OXNAD1: variants seen among roughly 807,000 people sequenced by gnomAD.
OXNAD1 encodes oxidoreductase NAD-binding domain-containing protein 1.
OXNAD1 carries 34 observed loss-of-function variants against 32.9 expected under a neutral mutation model. The ratio of observed to expected loss-of-function variants is 1.03; its 90% CI spans 0.79 to 1.38. OXNAD1 has a LOEUF of 1.38. Among genes scored for constraint, OXNAD1 ranks in the 40% most tolerant of loss-of-function variants. The pLI is 0.00. For missense variants in OXNAD1, 407 were observed against 379.4 expected (o/e 1.07, Z -0.60); for synonymous variants, 134 against 135.2 (o/e 0.99, Z 0.06).
Position 16,320,092 on chromosome 3 carries a change from T to G in OXNAD1, c.*30+16500T>G, listed in dbSNP as rs570342256. 6.6e-6 allele frequency among the ~76,000 whole-genome samples: 1 copy of G among 152,376 alleles called. No individual in the cohort carries two copies. Among genetic ancestry groups the G allele is most frequent in the East Asian group, 1.9e-4 (1 of 5,190 alleles). On this transcript the variant is annotated intron_variant, in intron 9 of 9. Transcript: ENST00000435829. This position sits in a 1 kb window ranked among gnomAD's most constrained non-coding sequence, Gnocchi z 4.5. The stretch of plus-strand genomic sequence containing the variant: ...AAATCCTTCACTTTACAGCAGTGTG[T>G]GTCCAGAGTTCCATGTCAGCAGGAG...
At chr3:16,341,754 G>A (rs1230651866), downstream of OXNAD1, among the ~76,000 whole-genome samples, 1 of 152,150 alleles carries the variant, frequency 6.6e-6, no homozygotes, top group Non-Finnish European at 1.5e-5. The surrounding 1 kb of genome is among the most constrained non-coding windows in gnomAD (Gnocchi z 4.7). Flanking sequence ...TTCATAGATT[G>A]AAGTACTCTA....
In OXNAD1 at chr3:16,288,972, C is replaced by T. The variant is rs1347051661; in HGVS notation, c.290+2524C>T. Among the ~76,000 whole-genome samples the T allele has an allele frequency of 6.6e-6, 1 of 152,194 alleles. No homozygotes were observed. Among genetic ancestry groups the T allele is most frequent in the Non-Finnish European group, 1.5e-5 (1 of 68,026 alleles). On this transcript the variant is annotated intron_variant, in intron 5 of 8. Coordinates refer to ENST00000285083, the MANE Select transcript of OXNAD1 (RefSeq NM_138381.5). The surrounding 1 kb of genome is among the most constrained non-coding windows in gnomAD (Gnocchi z 5.1). ...TAGCAGTGTATTGTCGCCTAGTGCCCTGGAGACTGCTCAGCTCACATGCTT... is the reference window on the plus strand; with the variant it reads ...TAGCAGTGTATTGTCGCCTAGTGCCTTGGAGACTGCTCAGCTCACATGCTT...
At position 16,289,348 on chromosome 3, in the gene OXNAD1, A is replaced by G. The variant is rs536808813; in HGVS notation, c.290+2900A>G. 6.6e-4 allele frequency among the ~76,000 whole-genome samples: 100 copies of G among 152,242 alleles called. No homozygotes were observed. The highest frequency in any genetic ancestry group is 5.4e-3 in the South Asian group (26 of 4,820). On this transcript the variant is annotated intron_variant, in intron 5 of 8. Transcript: ENST00000285083. The surrounding 1 kb of genome is among the most constrained non-coding windows in gnomAD (Gnocchi z 4.9). ...CCACTGATGCCCCAGTCAGTACTCAATCCACACTTGGCTGGGTATAGCTTG... is the reference window on the plus strand; with the variant it reads ...CCACTGATGCCCCAGTCAGTACTCAGTCCACACTTGGCTGGGTATAGCTTG...
chr3:16,272,549 T>C (rs2065022780), intron 4 of OXNAD1, among the ~76,000 whole-genome samples: 1 of 152,126 alleles, frequency 6.6e-6, no homozygotes, highest in Non-Finnish European at 1.5e-5. Flanking sequence ...CACTTTAATG[T>C]AAAGGCATAT....
rs1190023268 is a variant in OXNAD1, at chr3:16,346,623, C to T, written c.*31-2553C>T. ...CCCCCAGGCCTGGACAACCATGACT[C>T]TTGACAAGTGGCATGGGTCTGTGAC... On this transcript the variant is annotated intron_variant, in intron 9 of 9. Transcript: ENST00000606098. This position sits in a 1 kb window ranked among gnomAD's most constrained non-coding sequence, Gnocchi z 4.4. Among the ~76,000 whole-genome samples the T allele has an allele frequency of 1.3e-5, 2 of 152,154 alleles. No homozygotes were observed. The highest frequency in any genetic ancestry group is 1.3e-4 in the Admixed American group (2 of 15,282).
intron 1 of OXNAD1, among the ~76,000 whole-genome samples, chr3:16,266,757 T>TC (rs1323476232): frequency 6.6e-6 from 1 of 151,742 alleles, no homozygotes; most frequent in Non-Finnish European, 1.5e-5. Context: ...AGAGAAGGGG[T>TC]CAATGTATTA....
In OXNAD1 at chr3:16,301,618, T is replaced by A; in HGVS notation, c.433-8T>A. The A allele has an allele frequency of 6.2e-7, 1 of 1,613,488 alleles. No individual in the cohort carries two copies. The highest frequency in any genetic ancestry group is 8.5e-7 in the Non-Finnish European group (1 of 1,179,650). On this transcript the variant is annotated splice_region_variant and splice_polypyrimidine_tract_variant and intron_variant, in intron 6 of 8. Coordinates refer to ENST00000285083, the MANE Select transcript of OXNAD1 (RefSeq NM_138381.5). The surrounding 1 kb of genome is among the most constrained non-coding windows in gnomAD (Gnocchi z 4.1). ...AAAGACTAAAAGGTCTTTTCTTTCC[T>A]GCCTTAGTGTACACTTGACTGTGAA...
intron 4 of OXNAD1, chr3:16,276,705 G>A (rs1312815684): frequency 6.6e-6 from 1 of 152,122 alleles, no homozygotes; most frequent in Non-Finnish European, 1.5e-5. Flanking sequence ...GTGCAAGGCG[G>A]CCCTTCTTCC....
At chr3:16,350,056 T>C (rs2071988667) in exon 10 of OXNAD1, 1 of 152,236 alleles carries the variant, frequency 6.6e-6, no homozygotes, top group Admixed American at 6.5e-5. Context: ...AATACTTTCA[T>C]AGCAACATCT....
rs141021502 is a variant in OXNAD1, at chr3:16,300,129, A to G, written c.433-1497A>G. On this transcript the variant is annotated intron_variant, in intron 6 of 8. Coordinates refer to ENST00000285083, the MANE Select transcript of OXNAD1 (RefSeq NM_138381.5). Reference sequence around the variant, plus strand: ...TTTTTTTCCAAACAAGGGATTACCAACTCGGTCAGATCCAATGCTCCTTTC... The same window carrying G: ...TTTTTTTCCAAACAAGGGATTACCAGCTCGGTCAGATCCAATGCTCCTTTC... 4.0e-3 allele frequency among the ~76,000 whole-genome samples: 603 copies of G among 152,274 alleles called. 6 individuals are homozygous for G. The highest frequency in any genetic ancestry group is 0.013 in the African/African-American group (550 of 41,534).
intron 9 of OXNAD1, among the ~76,000 whole-genome samples, chr3:16,328,061 G>C (rs1559817445): frequency 6.6e-6 from 1 of 152,142 alleles, no homozygotes; most frequent in African/African-American, 2.4e-5. Context: ...AGGTACTCTA[G>C]AGCCATGATG....
At position 16,299,969 on chromosome 3, in the gene OXNAD1, A is replaced by G. The variant is rs981086290; in HGVS notation, c.433-1657A>G. The stretch of plus-strand genomic sequence containing the variant: ...TGTGAGTCAGTTCATGTTCACACCA[A>G]CCCTGTGAGGTGGGCAGTGCAGGTG... On this transcript the variant is annotated intron_variant, in intron 6 of 8. Coordinates refer to ENST00000285083, the MANE Select transcript of OXNAD1 (RefSeq NM_138381.5). This position sits in a 1 kb window ranked among gnomAD's most constrained non-coding sequence, Gnocchi z 4.4. 4.2e-4 allele frequency among the ~76,000 whole-genome samples: 64 copies of G among 152,082 alleles called. No homozygotes were observed. The highest frequency in any genetic ancestry group is 6.3e-4 in the Non-Finnish European group (43 of 68,014).
At position 16,334,275 on chromosome 3, in the gene OXNAD1, G is replaced by A. The variant is rs1186563945; in HGVS notation, c.*31-2837G>A. Among the ~76,000 whole-genome samples, 1 of 152,206 alleles carries A rather than the reference G, an allele frequency of 6.6e-6. No individual in the cohort carries two copies. The highest frequency in any genetic ancestry group is 1.5e-5 in the Non-Finnish European group (1 of 68,046). The stretch of plus-strand genomic sequence containing the variant: ...GTTAGGCAGCCCGCTTTGTTGCCAA[G>A]GCCGTGGGGAAGCATGCGTTCTTGT... On this transcript the variant is annotated intron_variant, in intron 9 of 9. Transcript: ENST00000435829. This position sits in a 1 kb window ranked among gnomAD's most constrained non-coding sequence, Gnocchi z 4.3.
intron 9 of OXNAD1, among the ~76,000 whole-genome samples, chr3:16,324,016 T>G (rs2069389327): frequency 6.6e-6 from 1 of 152,220 alleles, no homozygotes; most frequent in Non-Finnish European, 1.5e-5. Flanking sequence ...GCGACTCGTA[T>G]CTTACAATAC....
At chr3:16,296,912 G>A (rs188574399) in intron 6 of OXNAD1, among the ~76,000 whole-genome samples, 1 of 152,228 alleles carries the variant, frequency 6.6e-6, no homozygotes, top group African/African-American at 2.4e-5. Context: ...AAGAAAATGG[G>A]ATATTTGGAA....
At chr3:16,274,184 AC>A (rs373464906) in intron 4 of OXNAD1, among the ~76,000 whole-genome samples, 3,949 of 141,154 alleles carry the variant, frequency 0.028, 76 homozygotes, top group Middle Eastern at 0.067. Flanking sequence ...AAAAAAAAAA[AC>A]AAAAGATATC....
At chr3:16,308,017 T>C (rs2067690871), downstream of OXNAD1, among the ~76,000 whole-genome samples, 1 of 152,212 alleles carries the variant, frequency 6.6e-6, no homozygotes, top group Non-Finnish European at 1.5e-5. The surrounding 1 kb of genome is among the most constrained non-coding windows in gnomAD (Gnocchi z 4.4). Flanking sequence ...TTCTAGAGGA[T>C]GATGTCATTT....
At chr3:16,286,556 G>A in intron 5 of OXNAD1, 108 bp downstream of exon 5, 1 of 869,006 alleles carries the variant, frequency 1.2e-6, no homozygotes, top group Non-Finnish European at 1.8e-6. Context: ...TGAGGAAGAG[G>A]AATTCTAAAT....
At position 16,345,786 on chromosome 3, in the gene OXNAD1, CTCTG is replaced by C. The variant is rs201934236; in HGVS notation, c.*31-3388_*31-3385del. On this transcript the variant is annotated intron_variant, in intron 9 of 9. Coordinates refer to the OXNAD1 transcript ENST00000606098. The surrounding 1 kb of genome is among the most constrained non-coding windows in gnomAD (Gnocchi z 5.2). ...CATGAGCCAAAACCTTATAATAAAT[CTCTG>C]TGTGTGTGTGTGTGTGTGTGTGTGT... Among the ~76,000 whole-genome samples the C allele has an allele frequency of 1.5e-4, 12 of 81,644 alleles. No homozygotes were observed. The highest frequency in any genetic ancestry group is 4.4e-4 in the South Asian group (1 of 2,282). The allele number at this position is 81,644 out of a possible 152,430, so 53.6% of individuals were successfully genotyped here.
Sources: gnomAD v4.1 joint callset for allele counts (sites outside exome capture counted in the v4.1 genomes callset) on GRCh38, gnomAD v4.1.1 for gene constraint, Gnocchi (gnomAD v3.1) non-coding constraint, MANE v1.5 for transcripts, NCBI Gene and HGNC (gene_info 2026-07-23, HGNC 2026-07-21) for gene names.